The following WDR41 variants were observed in gnomAD, a reference collection of about 807,000 sequenced individuals.
WDR41 encodes the protein WD repeat domain 41.
WDR41 carries 63 observed loss-of-function variants against 69.3 expected under a neutral mutation model. That is an observed-to-expected ratio of 0.91 (90% CI 0.74 to 1.12). The LOEUF (loss-of-function observed/expected upper bound fraction) is 1.12. Among genes scored for constraint, WDR41 ranks in the 50% most tolerant of loss-of-function variants. The pLI is 0.00. For synonymous variants in WDR41, 185 were observed against 192.1 expected (o/e 0.96, Z 0.31); for missense variants, 543 against 534.5 (o/e 1.02, Z -0.16).
chr5:77,615,680 T>A (rs1416043454), intron 1 of WDR41, among the ~76,000 whole-genome samples: 1 of 97,336 alleles, frequency 1.0e-5, no homozygotes, highest in Non-Finnish European at 1.9e-5. Context: ...TTAAAATTAC[T>A]GCAAGTCAAA....
intron 1 of WDR41, among the ~76,000 whole-genome samples, chr5:77,614,419 G>C (rs993594659): frequency 1.3e-5 from 2 of 150,548 alleles, no homozygotes; most frequent in Admixed American, 1.3e-4. Context: ...ATGATAGACT[G>C]GATTAAGAAA....
chr5:77,433,392 T>A, intron 12 of WDR41, 105 bp from the exon 13 acceptor site: 1 of 975,752 alleles, frequency 1.0e-6, no homozygotes, highest in East Asian at 2.8e-5. Flanking sequence ...AAAGACTCCT[T>A]TGGATCTGGG....
intron 1 of WDR41, chr5:77,491,740 G>A (rs1801798798): frequency 5.7e-6 from 1 of 174,314 alleles, no homozygotes; most frequent in Non-Finnish European, 1.2e-5. Context: ...GCCAGGAAGA[G>A]ACACCAATTC....
At chr5:77,601,715 G>A (rs976218602) in intron 1 of WDR41, among the ~76,000 whole-genome samples, 1 of 152,118 alleles carries the variant, frequency 6.6e-6, no homozygotes, top group Non-Finnish European at 1.5e-5. Flanking sequence ...TCCTTACCTG[G>A]TGCCTCCCTC....
intron 2 of WDR41, among the ~76,000 whole-genome samples, chr5:77,476,796 A>G (rs2112029466): frequency 6.7e-6 from 1 of 149,364 alleles, no homozygotes; most frequent in South Asian, 2.2e-4. Context: ...TAACATCATA[A>G]TGACAGGATC....
upstream of WDR41, among the ~76,000 whole-genome samples, chr5:77,494,999 T>C (rs957279406): frequency 2.0e-5 from 3 of 152,068 alleles, no homozygotes; most frequent in Non-Finnish European, 2.9e-5. Flanking sequence ...AACTGGAAAA[T>C]TCACAAATGT....
intron 2 of WDR41, among the ~76,000 whole-genome samples, chr5:77,482,321 CCAGT>C (rs1801307870): frequency 1.3e-5 from 2 of 152,064 alleles, no homozygotes; most frequent in South Asian, 4.2e-4. Flanking sequence ...CATCAAATAC[CCAGT>C]CAATGATCAA....
intron 1 of WDR41, among the ~76,000 whole-genome samples, chr5:77,597,695 C>T (rs1362509194): frequency 6.6e-6 from 1 of 152,098 alleles, no homozygotes; most frequent in South Asian, 2.1e-4. Flanking sequence ...AGGGTGGTAC[C>T]TGACTCATAT....
intron 1 of WDR41, among the ~76,000 whole-genome samples, chr5:77,556,911 T>C (rs969043777): frequency 6.6e-6 from 1 of 152,156 alleles, no homozygotes; most frequent in Admixed American, 6.5e-5. Context: ...TTTGAACTTC[T>C]CCTTGGCACC....
At chr5:77,477,266 G>C (rs530492305) in intron 2 of WDR41, among the ~76,000 whole-genome samples, 1 of 150,772 alleles carries the variant, frequency 6.6e-6, no homozygotes, top group African/African-American at 2.5e-5. Context: ...ACAGATCAAC[G>C]AGACAGAAAG....
intron 1 of WDR41, among the ~76,000 whole-genome samples, chr5:77,526,180 A>C (rs904170399): frequency 1.3e-5 from 2 of 152,156 alleles, no homozygotes; most frequent in Non-Finnish European, 2.9e-5. Context: ...ACATTTTGGC[A>C]CACTTGTTTT....
chr5:77,560,851 T>G (rs1201408235), intron 1 of WDR41, among the ~76,000 whole-genome samples: 1 of 152,148 alleles, frequency 6.6e-6, no homozygotes, highest in African/African-American at 2.4e-5. Flanking sequence ...TTGATAGGGT[T>G]CACCAGCAGA....
intron 1 of WDR41, among the ~76,000 whole-genome samples, chr5:77,586,302 G>T (rs116215712): frequency 5.4e-4 from 81 of 150,648 alleles, no homozygotes; most frequent in African/African-American, 9.7e-4. Flanking sequence ...ATTTATTTAT[G>T]TATTTATTTA....
At chr5:77,541,781 C>G (rs1743093088) in intron 1 of WDR41, among the ~76,000 whole-genome samples, 1 of 152,132 alleles carries the variant, frequency 6.6e-6, no homozygotes, top group African/African-American at 2.4e-5. Context: ...GCATGAGCAA[C>G]CACACCTGGC....
At chr5:77,603,856 G>T (rs1194454087) in intron 1 of WDR41, among the ~76,000 whole-genome samples, 3 of 152,048 alleles carry the variant, frequency 2.0e-5, no homozygotes, top group African/African-American at 7.2e-5. Flanking sequence ...CATGTTTCTG[G>T]CACCCTTGTC....
At chr5:77,604,506 TA>T (rs1744378875) in intron 1 of WDR41, among the ~76,000 whole-genome samples, 1 of 152,224 alleles carries the variant, frequency 6.6e-6, no homozygotes, top group African/African-American at 2.4e-5. Flanking sequence ...GGCATTCTCA[TA>T]AATTGCTATT....
intron 1 of WDR41, among the ~76,000 whole-genome samples, chr5:77,517,382 C>T (rs1317230214): frequency 1.3e-5 from 2 of 150,824 alleles, no homozygotes; most frequent in Non-Finnish European, 2.9e-5. Flanking sequence ...GATGGAAAAA[C>T]AAAAACAAAA....
chr5:77,533,526 A>G (rs922271941), intron 1 of WDR41, among the ~76,000 whole-genome samples: 6 of 152,178 alleles, frequency 3.9e-5, no homozygotes, highest in Non-Finnish European at 8.8e-5. Flanking sequence ...CAATGTATAT[A>G]TACCTACATC....
At chr5:77,517,643 T>C (rs1403763709) in intron 1 of WDR41, among the ~76,000 whole-genome samples, 2 of 76,022 alleles carry the variant, frequency 2.6e-5, no homozygotes, top group African/African-American at 3.9e-5. Flanking sequence ...TATATATATA[T>C]ATATATATAT....
Sources: allele counts gnomAD v4.1 joint callset (sites outside exome capture counted in the v4.1 genomes callset), GRCh38; gene constraint gnomAD v4.1.1; transcripts MANE v1.5; gene names NCBI Gene and HGNC (gene_info 2026-07-23, HGNC 2026-07-21).